Variants in P3H2 observed in about 807,000 individuals in gnomAD.
The protein encoded by P3H2 is leprecan-like 1.
A neutral mutation model predicts 87.0 loss-of-function variants in P3H2; 80 were observed. The ratio of observed to expected loss-of-function variants is 0.92; its 90% CI spans 0.77 to 1.11. The LOEUF (loss-of-function observed/expected upper bound fraction) is 1.11. Among genes scored for constraint, P3H2 ranks in the 50% least tolerant of loss-of-function variants. The pLI, the probability that P3H2 is intolerant of heterozygous loss-of-function variation, is 0.00. For missense variants in P3H2, 1,001 were observed against 923.9 expected (o/e 1.08, Z -1.08); for synonymous variants, 367 against 359.3 (o/e 1.02, Z -0.24).
intron 1 of P3H2, among the ~76,000 whole-genome samples, chr3:190,025,025 C>T (rs760974063): frequency 6.6e-6 from 1 of 152,158 alleles, no homozygotes; most frequent in Non-Finnish European, 1.5e-5. Context: ...CTTAAAGGAA[C>T]TATACAAGTG....
intron 4 of P3H2, 28 bp from the exon 5 acceptor site, chr3:189,987,697 G>A (rs751473111): frequency 2.2e-5 from 35 of 1,613,696 alleles, no homozygotes; most frequent in Non-Finnish European, 2.7e-5. Flanking sequence ...TGCAGCATTA[G>A]AGTCAGCCTA....
intron 1 of P3H2, among the ~76,000 whole-genome samples, chr3:190,104,639 C>T (rs1396943525): frequency 6.6e-6 from 1 of 152,118 alleles, no homozygotes. Context: ...ATTGCTTTTA[C>T]TTAGTATATC....
At chr3:190,077,539 G>T (rs1204079688) in intron 1 of P3H2, among the ~76,000 whole-genome samples, 1 of 152,140 alleles carries the variant, frequency 6.6e-6, no homozygotes, top group Non-Finnish European at 1.5e-5. Flanking sequence ...ATACTATCTA[G>T]TACAACAAGC....
At chr3:190,101,010 T>C (rs1711605936) in intron 1 of P3H2, among the ~76,000 whole-genome samples, 1 of 152,094 alleles carries the variant, frequency 6.6e-6, no homozygotes, top group African/African-American at 2.4e-5. Context: ...GTTACGATGA[T>C]CTGTGATAAC....
chr3:190,082,621 C>CT (rs1458986281), intron 1 of P3H2, among the ~76,000 whole-genome samples: 1 of 152,210 alleles, frequency 6.6e-6, no homozygotes, highest in Non-Finnish European at 1.5e-5. Flanking sequence ...TTATTACTAA[C>CT]TATAGTCTCC....
At chr3:190,108,600 C>A (rs989745288) in intron 1 of P3H2, among the ~76,000 whole-genome samples, 4 of 152,160 alleles carry the variant, frequency 2.6e-5, no homozygotes, top group Admixed American at 6.5e-5. Context: ...TACATAATCA[C>A]ATAGGAGTGC....
intron 1 of P3H2, among the ~76,000 whole-genome samples, chr3:190,031,350 A>G (rs112502289): frequency 0.011 from 1,504 of 134,634 alleles, 22 homozygotes; most frequent in African/African-American, 0.038. Context: ...TTTTTAAAGA[A>G]GTGTATGCCG....
At position 189,987,753 on chromosome 3, in the gene P3H2, A is replaced by G. The variant is rs3114672; in HGVS notation, c.956-84T>C. Reference sequence around the variant, plus strand: ...AAGGGAGGCCATCAACGTGTCTACAAAGGTCAGCATTAAACATGAATAAGA... The same window carrying G: ...AAGGGAGGCCATCAACGTGTCTACAGAGGTCAGCATTAAACATGAATAAGA... On this transcript the variant is annotated intron_variant, in intron 4 of 14. Coordinates refer to ENST00000319332, the MANE Select transcript of P3H2 (RefSeq NM_018192.4). 0.81 allele frequency: 1,223,392 copies of G among 1,518,694 alleles called. 494,086 individuals carry two copies. The highest frequency in any genetic ancestry group is 0.92 in the East Asian group (40,911 of 44,326). 94.1% of individuals were successfully genotyped at this position (1,518,694 alleles called of 1,614,324 possible).
At chr3:190,004,421 C>A (rs573598539) in intron 1 of P3H2, among the ~76,000 whole-genome samples, 7 of 152,156 alleles carry the variant, frequency 4.6e-5, no homozygotes, top group Non-Finnish European at 1.0e-4. Context: ...CTCGCTCTGT[C>A]GCCCAGGCTG....
At chr3:189,988,878 G>A (rs1458066750) in intron 4 of P3H2, 29 bp downstream of exon 4, 5 of 1,613,702 alleles carry the variant, frequency 3.1e-6, no homozygotes, top group Non-Finnish European at 4.2e-6. Flanking sequence ...AACCCCCCAA[G>A]AAGTCTTCAC....
rs567527129 is a variant in P3H2, at chr3:189,979,280, T to G, written c.1324+3766A>C. Among the ~76,000 whole-genome samples, 3 of 150,898 alleles carry G rather than the reference T, an allele frequency of 2.0e-5. No individual in the cohort carries two copies. The East Asian group carries it at 6.0e-4, about 30-fold the overall frequency. On this transcript the variant is annotated intron_variant, in intron 8 of 14. Transcript: ENST00000319332. Reference sequence around the variant, plus strand: ...CTCTACTAAAACACAAAAAAAAAATTCGCTGGGCATGGTGATGCATGCCTG... The same window carrying G: ...CTCTACTAAAACACAAAAAAAAAATGCGCTGGGCATGGTGATGCATGCCTG...
At chr3:190,062,528 T>C (rs1326365757) in intron 1 of P3H2, among the ~76,000 whole-genome samples, 2 of 152,160 alleles carry the variant, frequency 1.3e-5, no homozygotes, top group East Asian at 3.8e-4. Flanking sequence ...TCACTAAATG[T>C]AGAATATCCA....
rs182896827 is a variant in P3H2 at position 190,096,979 on chromosome 3, G to C, written c.480+23273C>G. ...CTTCAAATCTGAACAGACAGCAACT[G>C]TGACATTTTGGCAAGAGCACTGGCC... On this transcript the variant is annotated intron_variant, in intron 1 of 14. Coordinates refer to ENST00000319332, the MANE Select transcript of P3H2 (RefSeq NM_018192.4). 7.6e-4 allele frequency among the ~76,000 whole-genome samples: 115 copies of C among 152,284 alleles called. 1 individual carries two copies. Among genetic ancestry groups the C allele is most frequent in the African/African-American group, 2.6e-3 (110 of 41,570 alleles).
Position 189,994,332 on chromosome 3 carries a change from AC to A in P3H2, c.634-50del, listed in dbSNP as rs755778658. 36 of 1,495,818 alleles carry A rather than the reference AC, an allele frequency of 2.4e-5. No homozygotes were observed. The African/African-American group carries it at 4.6e-4, about 19-fold the overall frequency. 92.7% of individuals were successfully genotyped at this position (1,495,818 alleles called of 1,614,324 possible). A position where few individuals can be genotyped will look rare whatever the true frequency, so the allele number is the denominator to read the frequency against. Reference sequence around the variant, plus strand: ...AACAAACAAACAAACAAACAAACAAACAAAAAAACCCTTATTTTCAAAGAGA... The same window carrying A: ...AACAAACAAACAAACAAACAAACAAAAAAAAAACCCTTATTTTCAAAGAGA... On this transcript the variant is annotated intron_variant, in intron 2 of 14. Transcript: ENST00000319332.
At chr3:190,039,996 TC>T (rs1303952493) in intron 1 of P3H2, among the ~76,000 whole-genome samples, 1 of 152,178 alleles carries the variant, frequency 6.6e-6, no homozygotes, top group Non-Finnish European at 1.5e-5. Context: ...GAACAAAAAC[TC>T]ACAGGAATAT....
At chr3:190,105,397 T>C (rs897275180) in intron 1 of P3H2, among the ~76,000 whole-genome samples, 2 of 152,204 alleles carry the variant, frequency 1.3e-5, no homozygotes, top group African/African-American at 4.8e-5. Context: ...TTTGTTGTTG[T>C]TGCTTGTCTT....
chr3:190,120,907 G>C (rs1363957077), upstream of P3H2: 2 of 1,000,356 alleles, frequency 2.0e-6, no homozygotes, highest in Non-Finnish European at 2.7e-6. Flanking sequence ...CGGAGGCCGT[G>C]CCTGGCCAGC....
At chr3:190,121,240 A>T (rs1288204406), upstream of P3H2, among the ~76,000 whole-genome samples, 1 of 152,264 alleles carries the variant, frequency 6.6e-6, no homozygotes, top group East Asian at 1.9e-4. Flanking sequence ...TTCTAAATGA[A>T]GCCTGGAGCG....
At chr3:189,997,412 A>G (rs938065762) in intron 1 of P3H2, among the ~76,000 whole-genome samples, 12 of 152,244 alleles carry the variant, frequency 7.9e-5, no homozygotes, top group Non-Finnish European at 1.2e-4. Flanking sequence ...GTGTGAAGAA[A>G]TGAAAACTAA....
Sources: gnomAD v4.1 joint callset for allele counts (sites outside exome capture counted in the v4.1 genomes callset) on GRCh38, gnomAD v4.1.1 for gene constraint, MANE v1.5 for transcripts, NCBI Gene and HGNC (gene_info 2026-07-23, HGNC 2026-07-21) for gene names.